Variants in KIAA1549L observed in about 807,000 individuals in gnomAD.
The protein encoded by KIAA1549L is UPF0606 protein KIAA1549L.
A neutral mutation model predicts 160.7 loss-of-function variants in KIAA1549L; 88 were observed. That is an observed-to-expected ratio of 0.55 (90% CI 0.46 to 0.65). The LOEUF (loss-of-function observed/expected upper bound fraction) is 0.65, where lower values mean the gene tolerates loss of function less well. Ranked by LOEUF, KIAA1549L falls within the 30% of genes least tolerant of loss-of-function variation. The probability of loss-of-function intolerance (pLI) is 0.00; values close to 1 mark genes in which losing one functional copy is unlikely to be tolerated. For synonymous variants in KIAA1549L, 950 were observed against 976.7 expected, an observed-to-expected ratio of 0.97 and a Z score of 0.51; for missense variants, 2,258 against 2,437.5, an observed-to-expected ratio of 0.93 and a Z score of 1.55.
chr11:33,485,256 C>T (rs1852497455), intron 1 of KIAA1549L, among the ~76,000 whole-genome samples: 1 of 152,162 alleles, frequency 6.6e-6, no homozygotes, highest in African/African-American at 2.4e-5. Context: ...TTTCAAGAAT[C>T]TGTAGTTTCT....
At chr11:33,657,452 G>A (rs918246936) in intron 18 of KIAA1549L, among the ~76,000 whole-genome samples, 5 of 152,158 alleles carry the variant, frequency 3.3e-5, no homozygotes, top group African/African-American at 1.2e-4. Flanking sequence ...AGGAACCTTT[G>A]AGATGAGTTT....
Position 33,559,925 on chromosome 11 carries a change from T to G in KIAA1549L, c.4018+14T>G. On this transcript the variant is annotated intron_variant, in intron 7 of 20. Transcript: ENST00000658780. Reference sequence around the variant, plus strand: ...CCATTGCTGAACGTGAGTATGGCCATGCCTATGGGGACCCCAGTGTTTCCC... The same window carrying G: ...CCATTGCTGAACGTGAGTATGGCCAGGCCTATGGGGACCCCAGTGTTTCCC... 6.2e-7 allele frequency: 1 copy of G among 1,611,372 alleles called. No individual in the cohort carries two copies. Among genetic ancestry groups the G allele is most frequent in the South Asian group, 1.1e-5 (1 of 91,034 alleles).
intron 17 of KIAA1549L, among the ~76,000 whole-genome samples, chr11:33,655,215 T>C (rs1038448906): frequency 1.3e-4 from 20 of 152,176 alleles, no homozygotes; most frequent in African/African-American, 4.8e-4. Context: ...ACAGTTCTAG[T>C]CTTTTATCTT....
chr11:33,614,278 A>C (rs930684766), intron 15 of KIAA1549L, among the ~76,000 whole-genome samples: 1 of 151,762 alleles, frequency 6.6e-6, no homozygotes, highest in African/African-American at 2.4e-5. Flanking sequence ...TAAAGGACTC[A>C]CTGGCAGACA....
chr11:33,461,962 A>G (rs1281376182), intron 1 of KIAA1549L, among the ~76,000 whole-genome samples: 1 of 152,220 alleles, frequency 6.6e-6, no homozygotes, highest in Non-Finnish European at 1.5e-5. Context: ...TGTGAATGCT[A>G]GGCCTCTCCC....
At chr11:33,408,489 G>GTGTGTATATATATATC (rs34208718) in intron 1 of KIAA1549L, among the ~76,000 whole-genome samples, 1 of 123,076 alleles carries the variant, frequency 8.1e-6, no homozygotes. Context: ...CTGTATATGT[G>GTGTGTATATATATATC]TATATATATA....
intron 8 of KIAA1549L, 47 bp from the exon 9 acceptor site, chr11:33,568,029 C>T: frequency 6.5e-7 from 1 of 1,529,566 alleles, no homozygotes; most frequent in Non-Finnish European, 8.8e-7. Flanking sequence ...ACTGAATCAG[C>T]AGAAAGTCTG....
chr11:33,654,193 C>T (rs555389499), intron 17 of KIAA1549L, among the ~76,000 whole-genome samples: 33 of 151,558 alleles, frequency 2.2e-4, no homozygotes, highest in Non-Finnish European at 4.3e-4. Context: ...AGGATGGTTT[C>T]GATCTTCTGA....
At chr11:33,586,491 C>T (rs1305639056) in intron 11 of KIAA1549L, among the ~76,000 whole-genome samples, 1 of 152,152 alleles carries the variant, frequency 6.6e-6, no homozygotes, top group Non-Finnish European at 1.5e-5. Flanking sequence ...TCCTAGTTCA[C>T]TTCCCTTTAC....
At chr11:33,465,350 G>GAACA in intron 1 of KIAA1549L, among the ~76,000 whole-genome samples, 1 of 152,028 alleles carries the variant, frequency 6.6e-6, no homozygotes, top group Non-Finnish European at 1.5e-5. Flanking sequence ...CACCGTGCCC[G>GAACA]GCCCCAGGGG....
At position 33,668,005 on chromosome 11, in the gene KIAA1549L, A is replaced by C; in HGVS notation, c.6292A>C (p.Thr2098Pro). 6.2e-7 allele frequency: 1 copy of C among 1,613,906 alleles called. No individual in the cohort carries two copies. Among genetic ancestry groups the C allele is most frequent in the East Asian group, 2.2e-5 (1 of 44,876 alleles). Residue 2098 changes from threonine (T) to proline (P), a missense_variant, in exon 21 of 21, where the codon ACA becomes CCA. Physicochemically the swap from Thr to Pro is conservative, Grantham distance 38. This residue lies in a region of KIAA1549L where 1,359 missense variants were observed against 1,546.6 expected (regional missense o/e 0.88). Coordinates refer to ENST00000658780, the MANE Select transcript of KIAA1549L (RefSeq NM_012194.3). Reference sequence around the variant, plus strand: ...CCTGGAGCAGGCCCCGGCGCCCTCCACAGCGGCCTCGCAGCAGAGCCTGGC... The same window carrying C: ...CCTGGAGCAGGCCCCGGCGCCCTCCCCAGCGGCCTCGCAGCAGAGCCTGGC... ...PSLEQAPAPS[T>P]AASQQSLAEN...
intron 1 of KIAA1549L, among the ~76,000 whole-genome samples, chr11:33,402,084 A>G (rs976969376): frequency 1.3e-5 from 2 of 152,116 alleles, no homozygotes; most frequent in African/African-American, 2.4e-5. Context: ...GTGACTCACA[A>G]TGTTACAACT....
At chr11:33,623,812 C>T (rs1246703690) in intron 16 of KIAA1549L, among the ~76,000 whole-genome samples, 1 of 152,104 alleles carries the variant, frequency 6.6e-6, no homozygotes, top group African/African-American at 2.4e-5. Flanking sequence ...GAATTTCCCT[C>T]CCCTATAGGC....
chr11:33,646,413 G>GC (rs1255721208), intron 17 of KIAA1549L, among the ~76,000 whole-genome samples: 1 of 152,170 alleles, frequency 6.6e-6, no homozygotes, highest in African/African-American at 2.4e-5. Flanking sequence ...GGGTTGTGTG[G>GC]CCTGGTGGTT....
chr11:33,447,475 C>T (rs745339884), intron 1 of KIAA1549L, among the ~76,000 whole-genome samples: 9 of 133,818 alleles, frequency 6.7e-5, no homozygotes, highest in Non-Finnish European at 1.1e-4. Context: ...TCCATCCATC[C>T]ACCCACCCAC....
chr11:33,651,894 CCCCT>C (rs1851904444), intron 17 of KIAA1549L, among the ~76,000 whole-genome samples: 1 of 76,772 alleles, frequency 1.3e-5, no homozygotes, highest in Admixed American at 1.3e-4. Context: ...CTCCCCTCCC[CCCCT>C]TCCCCTCCCC....
intron 13 of KIAA1549L, among the ~76,000 whole-genome samples, chr11:33,603,931 G>T (rs1850430770): frequency 6.6e-6 from 1 of 152,150 alleles, no homozygotes; most frequent in Admixed American, 6.5e-5. Context: ...GGAAGACCTT[G>T]GTTTTATTCT....
At position 33,562,678 on chromosome 11, in the gene KIAA1549L, CT is replaced by C. The variant is rs35756207; in HGVS notation, c.4078+960del. On this transcript the variant is annotated intron_variant, in intron 8 of 20. Coordinates refer to ENST00000658780, the MANE Select transcript of KIAA1549L (RefSeq NM_012194.3). Reference sequence around the variant, plus strand: ...TGACCTCATTTTAACTTCATTTCCTCTTTTTTTTTTTTTTTTTGAGATAGAG... The same window carrying C: ...TGACCTCATTTTAACTTCATTTCCTCTTTTTTTTTTTTTTTTGAGATAGAG... Among the ~76,000 whole-genome samples, 693 of 133,976 alleles carry C rather than the reference CT, an allele frequency of 5.2e-3. 10 individuals are homozygous for C. The highest frequency in any genetic ancestry group is 0.021 in the Admixed American group (281 of 13,096). The allele number at this position is 133,976 out of a possible 152,430, so 87.9% of individuals were successfully genotyped here.
At chr11:33,420,303 G>T (rs1277967895) in intron 1 of KIAA1549L, among the ~76,000 whole-genome samples, 5 of 140,552 alleles carry the variant, frequency 3.6e-5, no homozygotes, top group East Asian at 2.1e-4. Flanking sequence ...ATCCTAGCTC[G>T]CTGCAACCTC....
Sources: gnomAD v4.1 joint callset for allele counts (sites outside exome capture counted in the v4.1 genomes callset) on GRCh38, gnomAD v4.1.1 for gene constraint, gnomAD v4.1.1 regional missense constraint, MANE v1.5 for transcripts, NCBI Gene and HGNC (gene_info 2026-07-23, HGNC 2026-07-21) for gene names.